NQO1: variants seen among roughly 807,000 people sequenced by gnomAD.
NQO1 encodes the protein NAD(P)H quinone dehydrogenase 1.
In NQO1, 30 loss-of-function variants were observed where a neutral mutation model predicts 32.1. The observed-to-expected ratio is 0.94, with a 90% CI of 0.70 to 1.27. The LOEUF is 1.27. Among genes scored for constraint, NQO1 ranks in the 50% most tolerant of loss-of-function variants. The pLI is 0.00. For missense variants in NQO1, 276 were observed against 331.3 expected (o/e 0.83, Z 1.30); for synonymous variants, 109 against 119.7 (o/e 0.91, Z 0.59).
chr16:69,726,354 C>T (rs2038262053), intron 1 of NQO1, 79 bp downstream of exon 1: 2 of 1,578,276 alleles, frequency 1.3e-6, no homozygotes, highest in South Asian at 2.3e-5. Context: ...AAATTCAGGG[C>T]CAAGCCCCTA....
chr16:69,711,327 C>A (rs2151742040), intron 5 of NQO1, 46 bp from the exon 6 acceptor site: 1 of 1,526,928 alleles, frequency 6.5e-7, no homozygotes, highest in South Asian at 1.2e-5. Flanking sequence ...CAATTCCATG[C>A]AGTTGTACTA....
chr16:69,718,066 G>A (rs775675322), intron 3 of NQO1, 57 bp downstream of exon 3: 43 of 1,607,000 alleles, frequency 2.7e-5, no homozygotes, highest in Non-Finnish European at 3.6e-5. Context: ...TTAGGTACAT[G>A]TCTAGGACAA....
Position 69,715,068 on chromosome 16 carries a change from G to T in NQO1, c.313C>A (p.Gln105Lys), listed in dbSNP as rs2038096116. 1.2e-6 allele frequency: 2 copies of T among 1,612,846 alleles called. No individual in the cohort carries two copies. The highest frequency in any genetic ancestry group is 1.7e-6 in the Non-Finnish European group (2 of 1,179,148). Residue 105 changes from glutamine (Q) to lysine (K), a missense_variant, in exon 4 of 6, where the codon CAG (glutamine) becomes AAG (lysine). Gln to Lys is a moderately conservative substitution (Grantham distance 53, BLOSUM62 1). Transcript: ENST00000320623. Reference sequence around the variant, plus strand: ...AGAATGGCAGGGACTCCAAACCACTGCAGGGGGAACTGTGGGACAGAAGAC... The same window carrying T: ...AGAATGGCAGGGACTCCAAACCACTTCAGGGGGAACTGTGGGACAGAAGAC... ...ADLVIFQFPL[Q>K]WFGVPAILKG...
rs540149937 is a variant in NQO1 at position 69,718,999 on chromosome 16, C to T, written c.8-465G>A. 9.6e-4 allele frequency among the ~76,000 whole-genome samples: 143 copies of T among 149,704 alleles called. 2 individuals are homozygous for T. Among genetic ancestry groups the T allele is most frequent in the African/African-American group, 3.4e-3 (138 of 40,522 alleles). On this transcript the variant is annotated intron_variant, in intron 1 of 5. Transcript: ENST00000320623. ...GCAGTGAGCCAAGATTGCACCATTG[C>T]ACTCCAGCCTGGGTGACAATGGGAG...
chr16:69,721,939 G>A lies in NQO1; in HGVS notation c.8-3405C>T, dbSNP rs143899193. ...GATCATTTGAGCCAGGGAGGTGGAGGTTGCAGTGAGCCGTGATCACACCAC... is the reference window on the plus strand; with the variant it reads ...GATCATTTGAGCCAGGGAGGTGGAGATTGCAGTGAGCCGTGATCACACCAC... On this transcript the variant is annotated intron_variant, in intron 1 of 5. Coordinates refer to ENST00000320623, the MANE Select transcript of NQO1 (RefSeq NM_000903.3). Among the ~76,000 whole-genome samples the A allele has an allele frequency of 3.9e-3, 588 of 151,994 alleles. 5 individuals are homozygous for A. Among genetic ancestry groups the A allele is most frequent in the African/African-American group, 0.013 (557 of 41,450 alleles).
intron 5 of NQO1, among the ~76,000 whole-genome samples, chr16:69,712,587 C>T (rs374830679): frequency 2.4e-4 from 37 of 152,298 alleles, no homozygotes; most frequent in African/African-American, 8.2e-4. Context: ...AAAGGAGGCT[C>T]CCATCATTCT....
chr16:69,721,938 G>A (rs1313510305), intron 1 of NQO1, among the ~76,000 whole-genome samples: 3 of 151,966 alleles, frequency 2.0e-5, no homozygotes, highest in African/African-American at 7.3e-5. Context: ...GGGAGGTGGA[G>A]GTTGCAGTGA....
rs961024020 is a variant in NQO1 at position 69,709,679 on chromosome 16, T to C, written c.*1297A>G. 2 of 397,490 alleles carry C rather than the reference T, an allele frequency of 5.0e-6. No homozygotes were observed. Among genetic ancestry groups the C allele is most frequent in the African/African-American group, 2.1e-5 (1 of 48,584 alleles). The allele number at this position is 397,490 out of a possible 1,614,324, so 24.6% of individuals were successfully genotyped here. A position where few individuals can be genotyped will look rare whatever the true frequency, so the allele number is the denominator to read the frequency against. On this transcript the variant is annotated 3_prime_UTR_variant, in exon 6 of 6. Coordinates refer to ENST00000320623, the MANE Select transcript of NQO1 (RefSeq NM_000903.3). ...CATCATTTCTCATCTCTTCTTTCAA[T>C]GCACCACAAGAGGGCAGTGTTTTAT...
At chr16:69,716,035 G>T (rs764204430) in intron 3 of NQO1, among the ~76,000 whole-genome samples, 10 of 151,540 alleles carry the variant, frequency 6.6e-5, no homozygotes, top group Non-Finnish European at 1.3e-4. Context: ...TGATGTGATG[G>T]TGCACATCTC....
At chr16:69,719,886 C>G (rs2038166932) in intron 1 of NQO1, among the ~76,000 whole-genome samples, 1 of 152,092 alleles carries the variant, frequency 6.6e-6, no homozygotes, top group African/African-American at 2.4e-5. Flanking sequence ...GCTGAGGCGG[C>G]AAGATCCCTT....
rs753097552 is a variant in NQO1 at position 69,718,198 on chromosome 16, A to G, written c.228T>C (p.Tyr76=). 4.0e-5 allele frequency: 65 copies of G among 1,613,968 alleles called. No homozygotes were observed. In the South Asian group the frequency reaches 6.3e-4, roughly 16 times the overall value. ...FQYPAESVLA[Y]KEGHLSPDIV... ...TATCTGGGCTCAGATGGCCTTCTTT[A>G]TAAGCCAGAACAGACTCGGCAGGAT... The change falls in exon 3 of 6, where the codon TAT becomes TAC. Residue 76 remains tyrosine (Y), a synonymous_variant. Coordinates refer to ENST00000320623, the MANE Select transcript of NQO1 (RefSeq NM_000903.3).
In NQO1 at chr16:69,713,016, A is replaced by G. The variant is rs1395587932; in HGVS notation, c.519+12T>C. Reference sequence around the variant, plus strand: ...TCAAAGAAAAAAAAGAAAAGAAAAGAAAATGAGGTACCTGAATTGGCCAGA... The same window carrying G: ...TCAAAGAAAAAAAAGAAAAGAAAAGGAAATGAGGTACCTGAATTGGCCAGA... On this transcript the variant is annotated intron_variant, in intron 5 of 5. Coordinates refer to ENST00000320623, the MANE Select transcript of NQO1 (RefSeq NM_000903.3). The G allele has an allele frequency of 6.2e-7, 1 of 1,606,042 alleles. No individual in the cohort carries two copies. The highest frequency in any genetic ancestry group is 8.5e-7 in the Non-Finnish European group (1 of 1,173,786).
intron 3 of NQO1, among the ~76,000 whole-genome samples, chr16:69,716,796 A>T (rs900756579): frequency 4.6e-5 from 7 of 152,106 alleles, no homozygotes; most frequent in Admixed American, 2.6e-4. Flanking sequence ...CAAAAAAATT[A>T]AAAAATTAGC....
chr16:69,718,758 G>T (rs1299981615), intron 1 of NQO1, among the ~76,000 whole-genome samples: 1 of 152,128 alleles, frequency 6.6e-6, no homozygotes, highest in Non-Finnish European at 1.5e-5. Flanking sequence ...TTGACAACTG[G>T]GCTCTGTGGC....
At chr16:69,717,007 G>A (rs559280424) in intron 3 of NQO1, among the ~76,000 whole-genome samples, 2,697 of 150,852 alleles carry the variant, frequency 0.018, 47 homozygotes, top group Non-Finnish European at 0.027. Flanking sequence ...ATGTGGCTTT[G>A]ATTCTTAGCA....
In NQO1 at chr16:69,710,844, A is replaced by C; in HGVS notation, c.*132T>G. On this transcript the variant is annotated 3_prime_UTR_variant, in exon 6 of 6. Transcript: ENST00000320623. Reference sequence around the variant, plus strand: ...AAATGATCCAAAAATGCACGAATACAGTCGATTCCCTCTCATTTATTCCTT... The same window carrying C: ...AAATGATCCAAAAATGCACGAATACCGTCGATTCCCTCTCATTTATTCCTT... 1.0e-6 allele frequency: 1 copy of C among 988,614 alleles called. No homozygotes were observed. Among genetic ancestry groups the C allele is most frequent in the South Asian group, 1.7e-5 (1 of 57,838 alleles). The allele number at this position is 988,614 out of a possible 1,614,324, so 61.2% of individuals were successfully genotyped here.
chr16:69,719,971 G>C (rs1467909590), intron 1 of NQO1, among the ~76,000 whole-genome samples: 1 of 152,052 alleles, frequency 6.6e-6, no homozygotes, highest in East Asian at 1.9e-4. Context: ...AGAGACTGTT[G>C]ACCAGGTACG....
intron 3 of NQO1, 66 bp from the exon 4 acceptor site, chr16:69,715,143 G>A (rs909468434): frequency 2.6e-6 from 3 of 1,141,490 alleles, no homozygotes; most frequent in South Asian, 1.2e-5. Flanking sequence ...GTGGCTCGGA[G>A]TGCTGAGCCG....
At chr16:69,722,556 T>A (rs533426853) in intron 1 of NQO1, among the ~76,000 whole-genome samples, 1 of 152,322 alleles carries the variant, frequency 6.6e-6, no homozygotes, top group South Asian at 2.1e-4. Flanking sequence ...CTGCTTTTAT[T>A]ATTGACCACA....
Sources: gnomAD v4.1 joint callset for allele counts (sites outside exome capture counted in the v4.1 genomes callset) on GRCh38, gnomAD v4.1.1 for gene constraint, MANE v1.5 for transcripts, NCBI Gene and HGNC (gene_info 2026-07-23, HGNC 2026-07-21) for gene names.